ZFTRAF1: variants seen among roughly 807,000 people sequenced by gnomAD.
ZFTRAF1 encodes zinc finger TRAF-type-containing protein 1.
chr8:144,450,805 G>C, the ZFTRAF1 span: 1 of 670,996 alleles, frequency 1.5e-6, no homozygotes, highest in Non-Finnish European at 2.8e-6. Flanking sequence ...AGAGCCGGCT[G>C]TTAGTGTGGG....
chr8:144,453,373 T>G, the ZFTRAF1 span: 3 of 1,551,000 alleles, frequency 1.9e-6, no homozygotes, highest in South Asian at 1.2e-5. Flanking sequence ...CAACGACAAT[T>G]GGGGCACGTG....
chr8:144,460,412 G>A, the ZFTRAF1 span, among the ~76,000 whole-genome samples: 2 of 152,230 alleles, frequency 1.3e-5, no homozygotes, highest in Non-Finnish European at 2.9e-5. Flanking sequence ...ATCACTCTGT[G>A]CCGGGCCAGT....
the ZFTRAF1 span, chr8:144,449,919 C>G: frequency 5.4e-6 from 1 of 183,814 alleles, no homozygotes; most frequent in African/African-American, 2.4e-5. Context: ...TCCCCTCGAA[C>G]AAAACAGAAA....
chr8:144,461,691 C>T, the ZFTRAF1 span, among the ~76,000 whole-genome samples: 1 of 152,146 alleles, frequency 6.6e-6, no homozygotes, highest in Non-Finnish European at 1.5e-5. Context: ...ATGGTTCATC[C>T]CGACAAACAG....
chr8:144,453,687 A>T, the ZFTRAF1 span: 1 of 547,532 alleles, frequency 1.8e-6, no homozygotes, highest in Non-Finnish European at 3.3e-6. Context: ...AGGTCCTAAA[A>T]GCAAGGCCTC....
chr8:144,453,174 G>T, the ZFTRAF1 span: 2 of 1,508,506 alleles, frequency 1.3e-6, no homozygotes, highest in Non-Finnish European at 1.8e-6. Context: ...TGGGCTCCCA[G>T]CAGTCCTGGG....
the ZFTRAF1 span, chr8:144,453,660 G>C: frequency 3.4e-6 from 2 of 583,784 alleles, no homozygotes; most frequent in East Asian, 2.9e-5. Context: ...GCCAGCTTGG[G>C]TTCTTGCAGA....
the ZFTRAF1 span, chr8:144,453,942 G>A: frequency 6.1e-6 from 1 of 163,042 alleles, no homozygotes; most frequent in Non-Finnish European, 1.4e-5. Flanking sequence ...TGGGTTGAGA[G>A]GACTTGGCTC....
At chr8:144,451,843 C>T in the ZFTRAF1 span, 20 of 206,548 alleles carry the variant, frequency 9.7e-5, no homozygotes, top group African/African-American at 2.3e-4. Context: ...CAGTTTGAGT[C>T]GGGCACCCTC....
chr8:144,450,057 G>A, the ZFTRAF1 span: 1 of 384,984 alleles, frequency 2.6e-6, no homozygotes, highest in Non-Finnish European at 4.9e-6. Context: ...TGCACAGAAG[G>A]GCTGGGGCAG....
At chr8:144,453,760 G>T in the ZFTRAF1 span, 2 of 342,754 alleles carry the variant, frequency 5.8e-6, no homozygotes, top group South Asian at 7.3e-5. Context: ...GGGGCCGAGG[G>T]TCACGCTTTT....
At chr8:144,452,145 G>A in the ZFTRAF1 span, 3 of 641,218 alleles carry the variant, frequency 4.7e-6, no homozygotes, top group Non-Finnish European at 8.5e-6. Flanking sequence ...CCACACAGGT[G>A]TGCACCTGGG....
chr8:144,458,907 G>A, the ZFTRAF1 span, among the ~76,000 whole-genome samples: 3 of 152,244 alleles, frequency 2.0e-5, no homozygotes, highest in East Asian at 3.8e-4. Context: ...AGAGGCCCCT[G>A]CCCGGCACTT....
At chr8:144,462,459 G>C in the ZFTRAF1 span, 1 of 227,278 alleles carries the variant, frequency 4.4e-6, no homozygotes, top group East Asian at 1.1e-4. Context: ...GCCTCCTGCA[G>C]CTGTAGCTGC....
At chr8:144,462,071 G>A in the ZFTRAF1 span, among the ~76,000 whole-genome samples, 2 of 152,208 alleles carry the variant, frequency 1.3e-5, no homozygotes, top group African/African-American at 2.4e-5. Flanking sequence ...GGGGTCCCGA[G>A]CGGAAAATAA....
chr8:144,450,886 C>T, the ZFTRAF1 span: 3 of 601,356 alleles, frequency 5.0e-6, no homozygotes, highest in South Asian at 6.0e-5. Context: ...GGCAACTTAC[C>T]CGGACACCGG....
chr8:144,453,280 G>C, the ZFTRAF1 span: 1 of 1,551,084 alleles, frequency 6.4e-7, no homozygotes, highest in Non-Finnish European at 8.7e-7. Flanking sequence ...AACTGGCGCA[G>C]GCAGAAGCCA....
chr8:144,453,464 C>A, the ZFTRAF1 span: 1 of 1,545,652 alleles, frequency 6.5e-7, no homozygotes, highest in Non-Finnish European at 8.8e-7. Flanking sequence ...TAGTACACTG[C>A]GAAGAAGGAA....
chr8:144,450,122 C>G, the ZFTRAF1 span: 4 of 488,266 alleles, frequency 8.2e-6, no homozygotes, highest in East Asian at 1.4e-4. Flanking sequence ...CTCGGGGCGC[C>G]TGGTGCACCG....
Sources: allele counts gnomAD v4.1 joint callset (sites outside exome capture counted in the v4.1 genomes callset), GRCh38; gene constraint gnomAD v4.1.1; transcripts MANE v1.5; gene names NCBI Gene and HGNC (gene_info 2026-07-23, HGNC 2026-07-21).